The following NSUN7 variants were observed in gnomAD, a reference collection of about 807,000 sequenced individuals.
The protein encoded by NSUN7 is protein NSUN7.
Under a neutral mutation model 58.5 loss-of-function variants are expected in NSUN7, and 39 were observed. That is an observed-to-expected ratio of 0.67 (90% CI 0.52 to 0.87). The LOEUF (loss-of-function observed/expected upper bound fraction) is 0.87, where lower values mean the gene tolerates loss of function less well. Ranked by LOEUF, NSUN7 falls within the 40% of genes least tolerant of loss-of-function variation. The probability of loss-of-function intolerance (pLI) is 0.00; values close to 1 mark genes in which losing one functional copy is unlikely to be tolerated. For missense variants in NSUN7, 765 were observed against 844.1 expected (o/e 0.91, Z 1.16); for synonymous variants, 278 against 303.7 (o/e 0.92, Z 0.88).
At chr4:40,755,935 G>C (rs767682787) in intron 2 of NSUN7, among the ~76,000 whole-genome samples, 1 of 152,188 alleles carries the variant, frequency 6.6e-6, no homozygotes, top group Non-Finnish European at 1.5e-5. Context: ...TTGTCAACTA[G>C]GGAAGTTCAT....
chr4:40,757,610 A>G (rs1004623863), intron 2 of NSUN7, among the ~76,000 whole-genome samples: 5 of 145,184 alleles, frequency 3.4e-5, no homozygotes, highest in African/African-American at 1.3e-4. Context: ...ATATATATAC[A>G]TTGTGTGTAT....
rs766594500 is a variant in NSUN7 at position 40,790,559 on chromosome 4, T to G, written c.1037-43T>G. ...ACAATCACATACTACATTAAGATTT[T>G]TCATTAATATTTTACATTAAATTTT... On this transcript the variant is annotated intron_variant, in intron 7 of 11. Transcript: ENST00000381782. The G allele has an allele frequency of 6.3e-6, 8 of 1,275,804 alleles. No homozygotes were observed. In the African/African-American group the frequency reaches 1.2e-4, roughly 19 times the overall value. The allele number at this position is 1,275,804 out of a possible 1,614,324, so 79.0% of individuals were successfully genotyped here. A position where few individuals can be genotyped will look rare whatever the true frequency, so the allele number is the denominator to read the frequency against.
At chr4:40,789,567 G>A (rs1742985282) in intron 7 of NSUN7, among the ~76,000 whole-genome samples, 1 of 151,862 alleles carries the variant, frequency 6.6e-6, no homozygotes, top group African/African-American at 2.4e-5. Context: ...CAAAATAATA[G>A]GGGGCTGGGT....
At position 40,805,224 on chromosome 4, in the gene NSUN7, T is replaced by A. The variant is rs80352149; in HGVS notation, c.1401-1837T>A. On this transcript the variant is annotated intron_variant, in intron 10 of 11. Transcript: ENST00000381782. ...TTAGGTCACATAAGTCAGATATATC[T>A]GGCATGGCACAGCCAGGTTCTCTGC... 4.7e-3 allele frequency among the ~76,000 whole-genome samples: 712 copies of A among 152,308 alleles called. 5 individuals carry two copies. The highest frequency in any genetic ancestry group is 0.016 in the African/African-American group (678 of 41,560).
chr4:40,777,426 C>T (rs568762661), intron 7 of NSUN7, among the ~76,000 whole-genome samples: 16 of 152,194 alleles, frequency 1.1e-4, no homozygotes, highest in East Asian at 5.8e-4. Flanking sequence ...CTCTGCCCCC[C>T]GGGTTCAAGC....
At chr4:40,769,714 A>G (rs4861308) in intron 4 of NSUN7, among the ~76,000 whole-genome samples, 1,816 of 152,250 alleles carry the variant, frequency 0.012, 17 homozygotes, top group African/African-American at 0.018. Context: ...CTCATTCCCC[A>G]TAATGCTCCA....
At chr4:40,790,465 C>T (rs1263003534) in intron 7 of NSUN7, 137 bp from the exon 8 acceptor site, 32 of 552,256 alleles carry the variant, frequency 5.8e-5, no homozygotes, top group African/African-American at 2.0e-5. Flanking sequence ...GAAGAATAGC[C>T]TTCTTTTCTA....
chr4:40,797,688 A>T (rs1037718349), intron 9 of NSUN7, among the ~76,000 whole-genome samples: 24 of 152,048 alleles, frequency 1.6e-4, no homozygotes, highest in African/African-American at 5.6e-4. Context: ...TACTGTAATG[A>T]CCTCCTAATT....
chr4:40,750,971 T>C lies in NSUN7; in HGVS notation c.278T>C (p.Leu93Pro), dbSNP rs754025869. The C allele has an allele frequency of 1.9e-6, 3 of 1,613,914 alleles. No individual in the cohort carries two copies. In the South Asian group the frequency reaches 3.3e-5, roughly 18 times the overall value. The change falls in exon 2 of 12, where the codon CTG becomes CCG. Residue 93 changes from leucine (L) to proline (P), a missense_variant. Leu to Pro is a moderately conservative substitution (Grantham distance 98, BLOSUM62 -3). Coordinates refer to ENST00000381782, the MANE Select transcript of NSUN7 (RefSeq NM_024677.6). The stretch of plus-strand genomic sequence containing the variant: ...TCCTTTCAGCGTTTGTCTTATGAGC[T>C]GGCTTTCAGTGCCCTGAAATGTGAG... ...DQSFQRLSYE[L>P]AFSALKYQDI...
At chr4:40,756,528 G>T (rs1408594095) in intron 2 of NSUN7, among the ~76,000 whole-genome samples, 1 of 152,146 alleles carries the variant, frequency 6.6e-6, no homozygotes, top group Non-Finnish European at 1.5e-5. Context: ...TGGTGTATTT[G>T]GTTACTCTGG....
intron 4 of NSUN7, among the ~76,000 whole-genome samples, chr4:40,766,606 T>G (rs1741741105): frequency 6.6e-6 from 1 of 152,244 alleles, no homozygotes; most frequent in African/African-American, 2.4e-5. Flanking sequence ...TAAAATGAGT[T>G]AGGGAGGATT....
intron 10 of NSUN7, among the ~76,000 whole-genome samples, chr4:40,805,544 C>T (rs1259077201): frequency 6.6e-6 from 1 of 152,198 alleles, no homozygotes; most frequent in African/African-American, 2.4e-5. Flanking sequence ...TCCCTATCTT[C>T]GGGGTAACTA....
intron 10 of NSUN7, among the ~76,000 whole-genome samples, 169 bp downstream of exon 10, chr4:40,799,073 C>CTTTTTGTTTTTTTTTTTTTTTT (rs1553919775): frequency 1.3e-5 from 1 of 76,208 alleles, no homozygotes; most frequent in Non-Finnish European, 2.5e-5. Context: ...GGGCCTTTTT[C>CTTTTTGTTTTTTTTTTTTTTTT]TTTTTTTTTT....
At chr4:40,800,631 T>G (rs1743539934) in intron 10 of NSUN7, among the ~76,000 whole-genome samples, 1 of 152,236 alleles carries the variant, frequency 6.6e-6, no homozygotes, top group African/African-American at 2.4e-5. Context: ...TGAGCCACCA[T>G]GCCCGGCCCC....
At chr4:40,750,375 C>A (rs1740747667) in intron 1 of NSUN7, 75 bp downstream of exon 1, 1 of 258,480 alleles carries the variant, frequency 3.9e-6, no homozygotes, top group Non-Finnish European at 7.4e-6. Context: ...GCTCTGCCCC[C>A]AGACTGGCTT....
chr4:40,750,834 T>C lies in NSUN7; in HGVS notation c.141T>C (p.Tyr47=). ...AAACGGGCTATCCGGACTCCGTTTA[T>C]GTCATGGCAGCCAACATTTTTCAGG... ...PEKTGYPDSV[Y]VMAANIFQGI... Residue 47 remains tyrosine, a synonymous_variant, in exon 2 of 12, where the codon TAT becomes TAC. Coordinates refer to ENST00000381782, the MANE Select transcript of NSUN7 (RefSeq NM_024677.6). 1 of 1,614,220 alleles carries C rather than the reference T, an allele frequency of 6.2e-7. No individual in the cohort carries two copies. The highest frequency in any genetic ancestry group is 2.2e-5 in the East Asian group (1 of 44,882).
intron 10 of NSUN7, among the ~76,000 whole-genome samples, chr4:40,799,345 C>G (rs1743478356): frequency 6.6e-6 from 1 of 151,634 alleles, no homozygotes; most frequent in Non-Finnish European, 1.5e-5. Flanking sequence ...CCTTGGCCTC[C>G]CAAAGTGCTG....
Position 40,750,794 on chromosome 4 carries a change from C to A in NSUN7, c.101C>A (p.Ala34Asp). ...CCTCTGTCCGGTGGGAAAAGCTCAG[C>A]TGGTGTGCCCGAAAAAACGGGCTAT... ...SLPLSGGKSS[A>D]GVPEKTGYPD... The change falls in exon 2 of 12, where the codon GCT (alanine) becomes GAT (aspartate). Residue 34 changes from alanine (A) to aspartate (D), a missense_variant. By Grantham distance (126) the Ala-to-Asp change is moderately radical. Transcript: ENST00000381782. The A allele has an allele frequency of 6.2e-7, 1 of 1,614,192 alleles. No individual in the cohort carries two copies. The highest frequency in any genetic ancestry group is 8.5e-7 in the Non-Finnish European group (1 of 1,180,036).
chr4:40,791,520 G>A (rs1191243278), intron 8 of NSUN7, among the ~76,000 whole-genome samples: 1 of 152,110 alleles, frequency 6.6e-6, no homozygotes, highest in Non-Finnish European at 1.5e-5. Flanking sequence ...AAGAGGCAGA[G>A]CTTGGATTCA....
Sources: gnomAD v4.1 joint callset for allele counts (sites outside exome capture counted in the v4.1 genomes callset) on GRCh38, gnomAD v4.1.1 for gene constraint, MANE v1.5 for transcripts, NCBI Gene and HGNC (gene_info 2026-07-23, HGNC 2026-07-21) for gene names.